Variants in RORA observed in about 807,000 individuals in gnomAD.
RORA encodes nuclear receptor ROR-alpha.
A neutral mutation model predicts 69.5 loss-of-function variants in RORA; 7 were observed. The ratio of observed to expected loss-of-function variants is 0.10; its 90% CI spans 0.06 to 0.19. The LOEUF (loss-of-function observed/expected upper bound fraction) is 0.19. Among genes scored for constraint, RORA ranks in the 10% least tolerant of loss-of-function variants. RORA has a pLI of 1.00. For missense variants in RORA, 457 were observed against 663.0 expected (o/e 0.69, Z 3.41); for synonymous variants, 261 against 240.8 (o/e 1.08, Z -0.78).
chr15:60,823,436 A>T (rs1352347848), intron 1 of RORA, among the ~76,000 whole-genome samples: 1 of 152,178 alleles, frequency 6.6e-6, no homozygotes, highest in East Asian at 1.9e-4. Context: ...TGTTTATTTT[A>T]TATCCTTTGC....
At chr15:61,143,287 T>G (rs1361751333) in intron 1 of RORA, among the ~76,000 whole-genome samples, 1 of 152,084 alleles carries the variant, frequency 6.6e-6, no homozygotes, top group Non-Finnish European at 1.5e-5. Flanking sequence ...GAAAAAAATT[T>G]TAAATCCTAC....
intron 2 of RORA, among the ~76,000 whole-genome samples, chr15:60,566,079 T>C (rs538757928): frequency 4.3e-4 from 65 of 152,340 alleles, no homozygotes; most frequent in African/African-American, 1.6e-3. Flanking sequence ...TATTAGGTGA[T>C]GTGATCAAGA....
intron 1 of RORA, among the ~76,000 whole-genome samples, chr15:60,948,926 G>A (rs1892992757): frequency 6.6e-6 from 1 of 152,214 alleles, no homozygotes; most frequent in Non-Finnish European, 1.5e-5. Context: ...GAATTGTCAA[G>A]GAGTTGTTCC....
intron 1 of RORA, among the ~76,000 whole-genome samples, chr15:60,947,555 G>A (rs1353163587): frequency 2.7e-5 from 4 of 147,856 alleles, no homozygotes; most frequent in Admixed American, 1.3e-4. Flanking sequence ...CAAACACTGC[G>A]GAAGGCCCCA....
At chr15:60,717,903 G>T (rs1015656158) in intron 1 of RORA, among the ~76,000 whole-genome samples, 9 of 147,310 alleles carry the variant, frequency 6.1e-5, no homozygotes, top group African/African-American at 2.3e-4. Context: ...GGGTTCAAGC[G>T]ATTGTCCTGC....
chr15:60,705,501 A>G (rs2071048839), intron 1 of RORA, among the ~76,000 whole-genome samples: 1 of 152,226 alleles, frequency 6.6e-6, no homozygotes, highest in Non-Finnish European at 1.5e-5. Context: ...TAGGGGCAAA[A>G]GGCCGTAAAA....
At chr15:60,735,157 T>G (rs374359212) in intron 1 of RORA, among the ~76,000 whole-genome samples, 1 of 152,100 alleles carries the variant, frequency 6.6e-6, no homozygotes, top group Non-Finnish European at 1.5e-5. Context: ...GGCAAATATA[T>G]CACAGAACAA....
At chr15:60,980,006 C>G (rs1017459174) in intron 1 of RORA, among the ~76,000 whole-genome samples, 2 of 152,142 alleles carry the variant, frequency 1.3e-5, no homozygotes, top group African/African-American at 4.8e-5. Context: ...ATGATGTTAG[C>G]TGTGGGTTTT....
At chr15:60,765,656 T>C (rs1240877775) in intron 1 of RORA, 1 of 152,122 alleles carries the variant, frequency 6.6e-6, no homozygotes, top group Non-Finnish European at 1.5e-5. Context: ...TTCATGCAAA[T>C]CCTTCCACTT....
chr15:61,169,692 T>C (rs1197656744), intron 1 of RORA, among the ~76,000 whole-genome samples: 5 of 151,600 alleles, frequency 3.3e-5, no homozygotes, highest in Non-Finnish European at 7.4e-5. Flanking sequence ...TTCCAGCAGT[T>C]GATTGATTTG....
chr15:60,956,635 C>G lies in RORA; in HGVS notation c.166+272418G>C, dbSNP rs144394937. Among the ~76,000 whole-genome samples, 366 of 152,202 alleles carry G rather than the reference C, an allele frequency of 2.4e-3. 1 individual carries two copies. The highest frequency in any genetic ancestry group is 8.4e-3 in the African/African-American group (349 of 41,526). On this transcript the variant is annotated intron_variant, in intron 1 of 10. Coordinates refer to ENST00000335670, the MANE Select transcript of RORA (RefSeq NM_134261.3). ...TTCTTCATGTATAAAATGCAAGTAA[C>G]GATAATAGCTGCTTAGCAGTATATT...
intron 2 of RORA, among the ~76,000 whole-genome samples, chr15:60,562,498 C>T (rs1014664447): frequency 3.3e-5 from 5 of 151,638 alleles, no homozygotes; most frequent in African/African-American, 1.2e-4. Context: ...TGCAGTGGCT[C>T]TATCTCGGCC....
intron 1 of RORA, among the ~76,000 whole-genome samples, chr15:60,765,965 T>G (rs2071982810): frequency 1.3e-5 from 2 of 152,148 alleles, no homozygotes; most frequent in Admixed American, 1.3e-4. Flanking sequence ...GGACCAATTT[T>G]CAGCTCATCC....
chr15:60,893,795 G>C (rs181059095), intron 1 of RORA, among the ~76,000 whole-genome samples: 2 of 152,230 alleles, frequency 1.3e-5, no homozygotes, highest in Admixed American at 1.3e-4. Context: ...AAATTTTAAA[G>C]CTGAAAGGAT....
At chr15:60,752,029 G>A (rs1436329560) in intron 1 of RORA, among the ~76,000 whole-genome samples, 1 of 152,048 alleles carries the variant, frequency 6.6e-6, no homozygotes, top group Non-Finnish European at 1.5e-5. Context: ...TGAGAGAAGG[G>A]CCATCAATAA....
intron 1 of RORA, among the ~76,000 whole-genome samples, chr15:61,135,408 C>T (rs2079228470): frequency 6.6e-6 from 1 of 151,948 alleles, no homozygotes; most frequent in African/African-American, 2.4e-5. Flanking sequence ...CCTACCATAA[C>T]TTTGGAAAAC....
chr15:60,841,106 C>A (rs1481990681), intron 1 of RORA: 1 of 984,728 alleles, frequency 1.0e-6, no homozygotes, highest in Non-Finnish European at 1.2e-6. Flanking sequence ...ATTTTTTCAG[C>A]AGAGAGCTGA....
chr15:60,702,881 T>C (rs151130821), intron 1 of RORA, among the ~76,000 whole-genome samples: 1 of 152,218 alleles, frequency 6.6e-6, no homozygotes, highest in Non-Finnish European at 1.5e-5. Flanking sequence ...CTTTTCCCTC[T>C]TGCCATTTTC....
At position 60,497,335 on chromosome 15, in the gene RORA, G is replaced by T. The variant is rs1286144950; in HGVS notation, c.*120C>A. The T allele has an allele frequency of 2.7e-6, 2 of 735,986 alleles. No homozygotes were observed. The allele number at this position is 735,986 out of a possible 1,614,324, so 45.6% of individuals were successfully genotyped here. A position where few individuals can be genotyped will look rare whatever the true frequency, so the allele number is the denominator to read the frequency against. On this transcript the variant is annotated 3_prime_UTR_variant, in exon 11 of 11. Transcript: ENST00000335670. Reference sequence around the variant, plus strand: ...CTTTGCCTGACCCCGATCACCAAAAGATGTGCAGTGTGTGGCGCTCCAGGT... The same window carrying T: ...CTTTGCCTGACCCCGATCACCAAAATATGTGCAGTGTGTGGCGCTCCAGGT...
Sources: allele counts gnomAD v4.1 joint callset (sites outside exome capture counted in the v4.1 genomes callset), GRCh38; gene constraint gnomAD v4.1.1; transcripts MANE v1.5; gene names NCBI Gene and HGNC (gene_info 2026-07-23, HGNC 2026-07-21).